The following FHOD3 variants were observed in gnomAD, a reference collection of about 807,000 sequenced individuals.
FHOD3 encodes the protein FH1/FH2 domain-containing protein 3.
A neutral mutation model predicts 173.0 loss-of-function variants in FHOD3; 90 were observed. The observed-to-expected ratio is 0.52, with a 90% confidence interval of 0.44 to 0.62. The LOEUF (loss-of-function observed/expected upper bound fraction) is 0.62, where lower values mean the gene tolerates loss of function less well. Ranked by LOEUF, FHOD3 falls within the 20% of genes least tolerant of loss-of-function variation. The pLI, the probability that FHOD3 is intolerant of heterozygous loss-of-function variation, is 0.00. For synonymous variants in FHOD3, 828 were observed against 823.0 expected, an observed-to-expected ratio of 1.01 and a Z score of -0.10; for missense variants, 1,945 against 2,034.7, an observed-to-expected ratio of 0.96 and a Z score of 0.85.
At chr18:36,510,548 T>C (rs986364707) in intron 4 of FHOD3, among the ~76,000 whole-genome samples, 2 of 152,202 alleles carry the variant, frequency 1.3e-5, no homozygotes, top group Non-Finnish European at 2.9e-5. Context: ...TTGAGTGGTT[T>C]CTTGAGAGCT....
chr18:36,363,886 G>T (rs2046756207), intron 2 of FHOD3, among the ~76,000 whole-genome samples: 1 of 151,554 alleles, frequency 6.6e-6, no homozygotes, highest in Admixed American at 6.6e-5. Context: ...TAGGAGAAAT[G>T]GGTGGGTGGG....
intron 10 of FHOD3, among the ~76,000 whole-genome samples, chr18:36,641,535 C>T (rs1369276642): frequency 6.6e-6 from 1 of 152,130 alleles, no homozygotes; most frequent in Admixed American, 6.5e-5. Flanking sequence ...GTAGCTTGGG[C>T]CCCATGGGTT....
intron 3 of FHOD3, among the ~76,000 whole-genome samples, chr18:36,445,046 C>G (rs75646588): frequency 0.01 from 1,523 of 152,264 alleles, 7 homozygotes; most frequent in Non-Finnish European, 0.018. Context: ...GTAAGGTAAT[C>G]TGAAGAAGAC....
chr18:36,449,542 C>T (rs1211290079), intron 3 of FHOD3, among the ~76,000 whole-genome samples: 1 of 152,174 alleles, frequency 6.6e-6, no homozygotes, highest in African/African-American at 2.4e-5. Flanking sequence ...ATATTAACTG[C>T]TTTCCTCACT....
chr18:36,471,750 G>A (rs1400176187), intron 3 of FHOD3, among the ~76,000 whole-genome samples: 1 of 152,196 alleles, frequency 6.6e-6, no homozygotes, highest in East Asian at 1.9e-4. Context: ...ACAAATGCTT[G>A]TCTGTCTATC....
chr18:36,730,196 C>T (rs1054071037), intron 19 of FHOD3, among the ~76,000 whole-genome samples: 1 of 152,086 alleles, frequency 6.6e-6, no homozygotes, highest in Non-Finnish European at 1.5e-5. Context: ...GCCAATGGTG[C>T]TGTATTCTCC....
intron 2 of FHOD3, among the ~76,000 whole-genome samples, chr18:36,357,099 A>G (rs770982790): frequency 3.3e-5 from 5 of 152,208 alleles, no homozygotes; most frequent in Admixed American, 6.5e-5. Context: ...AGTTAAAAAT[A>G]TGGTCCACTG....
chr18:36,719,003 A>G (rs1238058325), intron 19 of FHOD3, among the ~76,000 whole-genome samples: 2 of 152,246 alleles, frequency 1.3e-5, no homozygotes, highest in Non-Finnish European at 2.9e-5. Context: ...CAACTAAGGA[A>G]TGTCAGCATA....
chr18:36,468,673 C>T (rs1481716907), intron 3 of FHOD3, among the ~76,000 whole-genome samples: 1 of 152,130 alleles, frequency 6.6e-6, no homozygotes, highest in Non-Finnish European at 1.5e-5. Context: ...GAATTTGTGG[C>T]TTTGAGATGT....
chr18:36,660,639 C>G (rs2036728314), intron 14 of FHOD3, among the ~76,000 whole-genome samples: 1 of 152,174 alleles, frequency 6.6e-6, no homozygotes, highest in African/African-American at 2.4e-5. Context: ...AAACAAGGAA[C>G]TGGGACGATA....
intron 10 of FHOD3, among the ~76,000 whole-genome samples, chr18:36,632,647 A>G (rs755922639): frequency 2.6e-5 from 4 of 152,128 alleles, no homozygotes; most frequent in Non-Finnish European, 5.9e-5. Context: ...TTGCTCAGCA[A>G]TGTGTGTCCT....
chr18:36,655,141 CTTCCAGGTCTACAG>C (rs2036331284), intron 13 of FHOD3, among the ~76,000 whole-genome samples: 1 of 148,172 alleles, frequency 6.7e-6, no homozygotes, highest in Admixed American at 6.9e-5. Flanking sequence ...CTGCAGGTCT[CTTCCAGGTCTACAG>C]TTCCAGGATT....
At chr18:36,402,846 T>C (rs559972136) in intron 3 of FHOD3, among the ~76,000 whole-genome samples, 2 of 152,372 alleles carry the variant, frequency 1.3e-5, no homozygotes, top group African/African-American at 4.8e-5. Flanking sequence ...TTCCATCAGC[T>C]GCAGAAAACC....
intron 3 of FHOD3, among the ~76,000 whole-genome samples, chr18:36,489,036 C>T (rs2054330747): frequency 6.6e-6 from 1 of 152,090 alleles, no homozygotes; most frequent in African/African-American, 2.4e-5. Context: ...CAGTGGGTGC[C>T]TCCATAAGAG....
At chr18:36,451,956 T>C (rs1456534392) in intron 3 of FHOD3, among the ~76,000 whole-genome samples, 2 of 152,114 alleles carry the variant, frequency 1.3e-5, no homozygotes, top group African/African-American at 4.8e-5. Flanking sequence ...TTTTCCTGCA[T>C]GTGGCTCCTT....
intron 2 of FHOD3, among the ~76,000 whole-genome samples, chr18:36,369,440 AACAC>A (rs59109469): frequency 0.091 from 8,525 of 93,978 alleles, 360 homozygotes; most frequent in Non-Finnish European, 0.096. Context: ...ATTTTATTTA[AACAC>A]ACACACACAC....
chr18:36,505,325 C>G (rs1215297171), intron 4 of FHOD3, among the ~76,000 whole-genome samples: 2 of 152,168 alleles, frequency 1.3e-5, no homozygotes, highest in African/African-American at 4.8e-5. Context: ...AACTGTCTTA[C>G]AAAAGGGTAT....
At chr18:36,564,704 T>G (rs2058204147) in intron 5 of FHOD3, among the ~76,000 whole-genome samples, 1 of 152,112 alleles carries the variant, frequency 6.6e-6, no homozygotes, top group African/African-American at 2.4e-5. Flanking sequence ...GTGTTTCTGT[T>G]TGGAAGGCCT....
At position 36,693,314 on chromosome 18, in the gene FHOD3, A is replaced by G. The variant is rs200671815; in HGVS notation, c.2127A>G (p.Pro709=). The stretch of plus-strand genomic sequence containing the variant: ...ACCTCTCCTTGGACCTGACCTCGCC[A>G]GCAGCCCCAGCCTGCCTGGCTCCTC... ...RADLSLDLTS[P]AAPACLAPLS... is the part of the protein sequence containing the mutation. The change falls in exon 17 of 29, where the codon CCA becomes CCG. Residue 709 remains proline (P), a synonymous_variant. Transcript: ENST00000590592. The G allele has an allele frequency of 1.9e-6, 3 of 1,613,896 alleles. No homozygotes were observed. Among genetic ancestry groups the G allele is most frequent in the East Asian group, 2.2e-5 (1 of 44,868 alleles).
Sources: allele counts gnomAD v4.1 joint callset (sites outside exome capture counted in the v4.1 genomes callset), GRCh38; gene constraint gnomAD v4.1.1; transcripts MANE v1.5; gene names NCBI Gene and HGNC (gene_info 2026-07-23, HGNC 2026-07-21).